GIT1: variants seen among roughly 807,000 people sequenced by gnomAD.
The protein encoded by GIT1 is GIT ArfGAP 1, also known as ARF GTPase-activating protein GIT1.
A neutral mutation model predicts 91.7 loss-of-function variants in GIT1; 14 were observed. The observed-to-expected ratio is 0.15, with a 90% CI of 0.10 to 0.24. The LOEUF (loss-of-function observed/expected upper bound fraction) is 0.24. Ranked by LOEUF, GIT1 falls within the 10% of genes least tolerant of loss-of-function variation. The probability of loss-of-function intolerance (pLI) is 1.00; values close to 1 mark genes in which losing one functional copy is unlikely to be tolerated. For synonymous variants in GIT1, 414 were observed against 418.2 expected (o/e 0.99, Z 0.12); for missense variants, 717 against 1,024.9 (o/e 0.70, Z 4.10).
chr17:29,581,183 C>T lies in GIT1; in HGVS notation c.761+155G>A. On this transcript the variant is annotated intron_variant, in intron 7 of 19. Transcript: ENST00000225394. The surrounding 1 kb of genome is among the most constrained non-coding windows in gnomAD (Gnocchi z 4.8). ...TGACATTTTTTACCTGCCTTGGGGC[C>T]CAGCATTAGGGACTGAGGACTAAGC... is the stretch of plus-strand genomic sequence containing the variant. The T allele has an allele frequency of 1.5e-6, 1 of 657,406 alleles. No individual in the cohort carries two copies. 40.7% of individuals were successfully genotyped at this position (657,406 alleles called of 1,614,324 possible). A position where few individuals can be genotyped will look rare whatever the true frequency, so the allele number is the denominator to read the frequency against.
intron 1 of GIT1, among the ~76,000 whole-genome samples, chr17:29,587,288 G>A (rs1467021629): frequency 6.6e-6 from 1 of 152,166 alleles, no homozygotes; most frequent in Non-Finnish European, 1.5e-5. Context: ...CAAGCAGCCA[G>A]CCAGGGTCCT....
chr17:29,575,001 T>C lies in GIT1; in HGVS notation c.2073+78A>G, dbSNP rs1314112922. On this transcript the variant is annotated intron_variant, in intron 19 of 19. Transcript: ENST00000225394. The surrounding 1 kb of genome is among the most constrained non-coding windows in gnomAD (Gnocchi z 5.5). Reference sequence around the variant, plus strand: ...CAGTTTGTCTGTGTCTCCACCCAGGTAGCGATCAGATGGGATTCTCCACGC... The same window carrying C: ...CAGTTTGTCTGTGTCTCCACCCAGGCAGCGATCAGATGGGATTCTCCACGC... 2 of 1,476,162 alleles carry C rather than the reference T, an allele frequency of 1.4e-6. No homozygotes were observed. The highest frequency in any genetic ancestry group is 1.9e-5 in the Admixed American group (1 of 53,916). 91.4% of individuals were successfully genotyped at this position (1,476,162 alleles called of 1,614,324 possible).
chr17:29,576,095 G>T lies in GIT1; in HGVS notation c.1648C>A (p.Pro550Thr), dbSNP rs1000227959. 1.9e-6 allele frequency: 3 copies of T among 1,613,734 alleles called. No individual in the cohort carries two copies. The highest frequency in any genetic ancestry group is 2.5e-6 in the Non-Finnish European group (3 of 1,179,914). Residue 550 changes from proline (P) to threonine (T), a missense_variant, in exon 15 of 20, where the codon CCT becomes ACT. Pro to Thr is a conservative substitution (Grantham distance 38, BLOSUM62 -1). Around this residue, in one of 3 missense-constraint regions of GIT1, gnomAD observed 312 missense variants for 349.5 expected, o/e 0.89. Transcript: ENST00000225394. ...AGGCTTACCCGGTAAAGGCCAGCAGGGACGTGCACTGAATAGATGGCGTCG... is the reference window on the plus strand; with the variant it reads ...AGGCTTACCCGGTAAAGGCCAGCAGTGACGTGCACTGAATAGATGGCGTCG... ...EDDAIYSVHV[P>T]AGLYRIRKGV...
In GIT1 at chr17:29,573,852, GT is replaced by G; in HGVS notation, c.*849del. 6.5e-6 allele frequency: 1 copy of G among 152,840 alleles called. No individual in the cohort carries two copies. Among genetic ancestry groups the G allele is most frequent in the Non-Finnish European group, 1.5e-5 (1 of 68,236 alleles). The allele number at this position is 152,840 out of a possible 1,614,324, so 9.5% of individuals were successfully genotyped here. On this transcript the variant is annotated 3_prime_UTR_variant, in exon 20 of 20. Coordinates refer to ENST00000225394, the MANE Select transcript of GIT1 (RefSeq NM_014030.4). ...GAGCAGGAGGAGATGGAGGGAAGTGGTTTTTGATTTAAGTTCATAGAGAAGG... is the reference window on the plus strand; with the variant it reads ...GAGCAGGAGGAGATGGAGGGAAGTGGTTTTGATTTAAGTTCATAGAGAAGG...
Position 29,581,218 on chromosome 17 carries a change from A to T in GIT1, c.761+120T>A. 1 of 757,994 alleles carries T rather than the reference A, an allele frequency of 1.3e-6. No homozygotes were observed. The highest frequency in any genetic ancestry group is 2.4e-6 in the Non-Finnish European group (1 of 421,558). 47.0% of individuals were successfully genotyped at this position (757,994 alleles called of 1,614,324 possible). Reference sequence around the variant, plus strand: ...GGACTGAGGACTAAGCTGTGCCTCTAGTCTCTGGGGGGAGGGAGCAGGGTC... The same window carrying T: ...GGACTGAGGACTAAGCTGTGCCTCTTGTCTCTGGGGGGAGGGAGCAGGGTC... On this transcript the variant is annotated intron_variant, in intron 7 of 19. Coordinates refer to ENST00000225394, the MANE Select transcript of GIT1 (RefSeq NM_014030.4). This position sits in a 1 kb window ranked among gnomAD's most constrained non-coding sequence, Gnocchi z 4.8.
chr17:29,582,170 A>G (rs2033420948), intron 4 of GIT1, 26 bp from the exon 5 acceptor site: 2 of 1,502,282 alleles, frequency 1.3e-6, no homozygotes, highest in Admixed American at 3.9e-5. Context: ...TGTGCAGTGA[A>G]TACGCATGTG....
At position 29,575,309 on chromosome 17, in the gene GIT1, G is replaced by C; in HGVS notation, c.1988C>G (p.Ala663Gly). Reference protein sequence around the residue: ...TKNIQELLRAAQEFKHDSFVP... With the variant: ...TKNIQELLRAGQEFKHDSFVP... Reference sequence around the variant, plus strand: ...GTACCTGTCATGCTTGAACTCCTGGGCTGCCCGCAACAGTTCCTGAATGTT... The same window carrying C: ...GTACCTGTCATGCTTGAACTCCTGGCCTGCCCGCAACAGTTCCTGAATGTT... Residue 663 changes from alanine (A) to glycine (G), a missense_variant, in exon 18 of 20, where the codon GCC becomes GGC. Physicochemically the swap from Ala to Gly is moderately conservative, Grantham distance 60. Transcript: ENST00000225394. The surrounding 1 kb of genome is among the most constrained non-coding windows in gnomAD (Gnocchi z 5.5). The C allele has an allele frequency of 6.2e-7, 1 of 1,612,584 alleles. No individual in the cohort carries two copies. Among genetic ancestry groups the C allele is most frequent in the Non-Finnish European group, 8.5e-7 (1 of 1,179,572 alleles).
rs756150649 is a variant in GIT1 at position 29,574,595 on chromosome 17, G to A, written c.*107C>T. 7 of 972,342 alleles carry A rather than the reference G, an allele frequency of 7.2e-6. No homozygotes were observed. The African/African-American group carries it at 1.1e-4, about 15-fold the overall frequency. The allele number at this position is 972,342 out of a possible 1,614,324, so 60.2% of individuals were successfully genotyped here. On this transcript the variant is annotated 3_prime_UTR_variant, in exon 20 of 20. Coordinates refer to ENST00000225394, the MANE Select transcript of GIT1 (RefSeq NM_014030.4). ...TGCCAGGGAGTGTGGCAGCACTAAGGGCACTTGTGCCAGTGGCTCTGTTGG... is the reference window on the plus strand; with the variant it reads ...TGCCAGGGAGTGTGGCAGCACTAAGAGCACTTGTGCCAGTGGCTCTGTTGG...
In GIT1 at chr17:29,581,558, A is replaced by G; in HGVS notation, c.719-178T>C. On this transcript the variant is annotated intron_variant, in intron 6 of 19. Coordinates refer to ENST00000225394, the MANE Select transcript of GIT1 (RefSeq NM_014030.4). The surrounding 1 kb of genome is among the most constrained non-coding windows in gnomAD (Gnocchi z 4.8). ...GGGAGGATGCAGGATGCCCACCCCC[A>G]CTCCCTAGCCCCAGCGATGCTATGG... is the stretch of plus-strand genomic sequence containing the variant. The G allele has an allele frequency of 1.4e-6, 1 of 699,472 alleles. No homozygotes were observed. Among genetic ancestry groups the G allele is most frequent in the Admixed American group, 2.1e-5 (1 of 47,990 alleles). The allele number at this position is 699,472 out of a possible 1,614,324, so 43.3% of individuals were successfully genotyped here.
chr17:29,584,198 G>T (rs948852296), intron 1 of GIT1, among the ~76,000 whole-genome samples: 1 of 152,238 alleles, frequency 6.6e-6, no homozygotes, highest in Admixed American at 6.5e-5. Context: ...CACCCACTAG[G>T]TACCAGCTGG....
chr17:29,576,900 AG>A lies in GIT1; in HGVS notation c.1189del (p.Leu397CysfsTer25). 6.3e-7 allele frequency: 1 copy of A among 1,578,158 alleles called. No homozygotes were observed. ...ASDEDTDQEP[L>X]RSTGATRSNR... ...GCTCCGAGTGGCGCCGGTGCTGCGC[AG>A]GGGCTCCTGGTCTGTGTCCTCGTCA... On this transcript the variant is annotated frameshift_variant, in exon 12 of 20. Coordinates refer to ENST00000225394, the MANE Select transcript of GIT1 (RefSeq NM_014030.4). LOFTEE classifies it high-confidence loss of function.
At chr17:29,578,406 G>C (rs201521794) in intron 8 of GIT1, 35 bp from the exon 9 acceptor site, 1 of 1,597,640 alleles carries the variant, frequency 6.3e-7, no homozygotes, top group Non-Finnish European at 8.6e-7. Flanking sequence ...GTTGTCAGAT[G>C]CATCGGCTCC....
At position 29,589,583 on chromosome 17, in the gene GIT1, C is replaced by CCCGCGCCG. The variant is rs2033738980; in HGVS notation, c.-213_-206dup. 6.8e-6 allele frequency: 1 copy of CCCGCGCCG among 147,294 alleles called. No individual in the cohort carries two copies. The highest frequency in any genetic ancestry group is 1.5e-5 in the Non-Finnish European group (1 of 66,144). 9.1% of individuals were successfully genotyped at this position (147,294 alleles called of 1,614,324 possible). A position where few individuals can be genotyped will look rare whatever the true frequency, so the allele number is the denominator to read the frequency against. On this transcript the variant is annotated 5_prime_UTR_variant, in exon 1 of 20. Transcript: ENST00000225394. The surrounding 1 kb of genome is among the most constrained non-coding windows in gnomAD (Gnocchi z 5.2). ...CCGCTCGCCCTCGGGCGCCCTCCGCCCCGCGCCGCCCCGCCGCCGCTCGCG... is the reference window on the plus strand; with the variant it reads ...CCGCTCGCCCTCGGGCGCCCTCCGCCCCGCGCCGCCGCGCCGCCCCGCCGCCGCTCGCG...
chr17:29,580,778 T>TG (rs1160363493), intron 7 of GIT1, among the ~76,000 whole-genome samples: 1 of 144,368 alleles, frequency 6.9e-6, no homozygotes, highest in East Asian at 2.0e-4. Flanking sequence ...TTCTTTTTCT[T>TG]TTTTTTTTTT....
At chr17:29,578,703 T>G (rs752535464) in intron 8 of GIT1, 28 bp downstream of exon 8, 1 of 1,600,778 alleles carries the variant, frequency 6.2e-7, no homozygotes, top group East Asian at 2.2e-5. Context: ...CAGCTTCAAG[T>G]GTCAGGGCAC....
At chr17:29,583,657 G>A in intron 1 of GIT1, 41 bp from the exon 2 acceptor site, 1 of 1,541,342 alleles carries the variant, frequency 6.5e-7, no homozygotes, top group Non-Finnish European at 8.7e-7. Context: ...GCCAGATGAT[G>A]GGCCAGACCT....
At position 29,574,514 on chromosome 17, in the gene GIT1, C is replaced by A; in HGVS notation, c.*188G>T. ...GAATGTGGGGGACAGAAGCTCCTGC[C>A]CCCCCACCTCCCCATCCTTAGGGGC... On this transcript the variant is annotated 3_prime_UTR_variant, in exon 20 of 20. Transcript: ENST00000225394. 1.5e-6 allele frequency: 1 copy of A among 648,050 alleles called. No individual in the cohort carries two copies. Among genetic ancestry groups the A allele is most frequent in the Non-Finnish European group, 2.8e-6 (1 of 361,552 alleles). The allele number at this position is 648,050 out of a possible 1,614,324, so 40.1% of individuals were successfully genotyped here.
chr17:29,574,598 A>T lies in GIT1; in HGVS notation c.*104T>A. 1 of 987,416 alleles carries T rather than the reference A, an allele frequency of 1.0e-6. No individual in the cohort carries two copies. The highest frequency in any genetic ancestry group is 1.3e-5 in the South Asian group (1 of 75,232). The allele number at this position is 987,416 out of a possible 1,614,324, so 61.2% of individuals were successfully genotyped here. A position where few individuals can be genotyped will look rare whatever the true frequency, so the allele number is the denominator to read the frequency against. On this transcript the variant is annotated 3_prime_UTR_variant, in exon 20 of 20. Transcript: ENST00000225394. ...CAGGGAGTGTGGCAGCACTAAGGGC[A>T]CTTGTGCCAGTGGCTCTGTTGGGGT...
chr17:29,577,559 T>C, intron 10 of GIT1, 86 bp downstream of exon 10: 1 of 890,638 alleles, frequency 1.1e-6, no homozygotes, highest in Non-Finnish European at 1.9e-6. Flanking sequence ...GCTGGAGAGC[T>C]GGCTCAGGCC....
Sources: allele counts gnomAD v4.1 joint callset (sites outside exome capture counted in the v4.1 genomes callset), GRCh38; gene constraint gnomAD v4.1.1; regional missense constraint gnomAD v4.1.1; non-coding constraint Gnocchi (gnomAD v3.1); transcripts MANE v1.5; gene names NCBI Gene and HGNC (gene_info 2026-07-23, HGNC 2026-07-21).